Variants in SNX25 observed in about 807,000 individuals in gnomAD.
SNX25 encodes the protein sorting nexin-25.
SNX25 carries 62 observed loss-of-function variants against 113.7 expected under a neutral mutation model. That is an observed-to-expected ratio of 0.55 (90% CI 0.44 to 0.67). The LOEUF (loss-of-function observed/expected upper bound fraction) is 0.67, where lower values mean the gene tolerates loss of function less well. Among genes scored for constraint, SNX25 ranks in the 30% least tolerant of loss-of-function variants. SNX25 has a pLI of 0.00. For missense variants in SNX25, 1,014 were observed against 1,161.0 expected, an observed-to-expected ratio of 0.87 and a Z score of 1.84; for synonymous variants, 421 against 436.2, an observed-to-expected ratio of 0.97 and a Z score of 0.43.
Position 185,264,439 on chromosome 4 carries a change from C to T in SNX25, c.733C>T (p.His245Tyr), listed in dbSNP as rs149554522. 2.9e-4 allele frequency: 460 copies of T among 1,611,864 alleles called. No homozygotes were observed. Among genetic ancestry groups the T allele is most frequent in the Non-Finnish European group, 3.8e-4 (445 of 1,179,398 alleles). ...TTCTTTTTCACTCTCTTTATTTAGACATGAAGAACAGCCAAGACCTTTTGT... is the reference window on the plus strand; with the variant it reads ...TTCTTTTTCACTCTCTTTATTTAGATATGAAGAACAGCCAAGACCTTTTGT... The part of the protein sequence containing the change: ...FCDLKAANAR[H>Y]EEQPRPFVLH... Residue 245 changes from histidine (H) to tyrosine (Y), a missense_variant and splice_region_variant, in exon 4 of 19, where the codon CAT becomes TAT. By Grantham distance (83) the His-to-Tyr change is moderately conservative. Coordinates refer to ENST00000652585, the MANE Select transcript of SNX25 (RefSeq NM_001378034.2).
intron 1 of SNX25, among the ~76,000 whole-genome samples, chr4:185,218,012 G>T (rs1016955351): frequency 6.6e-6 from 1 of 152,108 alleles, no homozygotes; most frequent in African/African-American, 2.4e-5. Context: ...GCAGCCCTTC[G>T]CAGGGGCACT....
At chr4:185,259,117 A>C (rs1166695060) in intron 3 of SNX25, 53 bp downstream of exon 3, 2 of 1,494,334 alleles carry the variant, frequency 1.3e-6, no homozygotes, top group Non-Finnish European at 1.8e-6. Context: ...TTTTTAATTG[A>C]GTAAAAGGTC....
At chr4:185,367,723 T>C (rs1172047669), downstream of SNX25, among the ~76,000 whole-genome samples, 1 of 152,170 alleles carries the variant, frequency 6.6e-6, no homozygotes, top group Non-Finnish European at 1.5e-5. Context: ...CCAAACCCCA[T>C]TCTATGCAGT....
At chr4:185,250,330 A>G (rs186262117) in intron 2 of SNX25, among the ~76,000 whole-genome samples, 1 of 152,214 alleles carries the variant, frequency 6.6e-6, no homozygotes, top group Admixed American at 6.5e-5. Flanking sequence ...GTATCTGCTC[A>G]GCTCTTTGAG....
upstream of SNX25, among the ~76,000 whole-genome samples, chr4:185,208,664 A>G (rs1737313462): frequency 6.6e-6 from 1 of 151,870 alleles, no homozygotes; most frequent in African/African-American, 2.4e-5. Flanking sequence ...GGAAGCAGAG[A>G]TTGCAGTGAG....
At chr4:185,235,711 G>A (rs554115665) in intron 1 of SNX25, among the ~76,000 whole-genome samples, 280 of 152,236 alleles carry the variant, frequency 1.8e-3, no homozygotes, top group African/African-American at 5.8e-3. Flanking sequence ...GGGCAACATA[G>A]TGAGACCCCT....
downstream of SNX25, among the ~76,000 whole-genome samples, chr4:185,372,632 G>A (rs537480507): frequency 2.0e-5 from 3 of 152,302 alleles, no homozygotes; most frequent in East Asian, 3.9e-4. Flanking sequence ...AAGAGGCGAC[G>A]AGGCCATGAG....
At chr4:185,246,462 A>G (rs542085165) in intron 1 of SNX25, among the ~76,000 whole-genome samples, 2 of 152,098 alleles carry the variant, frequency 1.3e-5, no homozygotes, top group African/African-American at 4.8e-5. Context: ...TCATTGCTCT[A>G]ATTTGCATTC....
intron 6 of SNX25, among the ~76,000 whole-genome samples, chr4:185,296,415 T>G (rs1178310889): frequency 1.3e-5 from 2 of 152,148 alleles, no homozygotes; most frequent in Non-Finnish European, 2.9e-5. Context: ...AACTGCACGT[T>G]TTAGGTTCAC....
Position 185,307,588 on chromosome 4 carries a change from T to A in SNX25, c.1163-3047T>A, listed in dbSNP as rs181071381. Among the ~76,000 whole-genome samples, 417 of 152,248 alleles carry A rather than the reference T, an allele frequency of 2.7e-3. 1 individual carries two copies. Among genetic ancestry groups the A allele is most frequent in the Middle Eastern group, 0.014 (4 of 294 alleles). ...ACTTTGCTCTCTACTTGGACAAAAC[T>A]GAATCCATATAAAGGGAACTACTCT... On this transcript the variant is annotated intron_variant, in intron 6 of 18. Transcript: ENST00000652585.
chr4:185,313,699 C>T (rs1027013639), intron 7 of SNX25, among the ~76,000 whole-genome samples: 1 of 152,090 alleles, frequency 6.6e-6, no homozygotes, highest in Non-Finnish European at 1.5e-5. Context: ...GAATTATGTA[C>T]AGTTGGCCCT....
intron 5 of SNX25, among the ~76,000 whole-genome samples, chr4:185,274,239 T>G (rs1397410883): frequency 2.0e-5 from 3 of 152,060 alleles, no homozygotes; most frequent in Non-Finnish European, 4.4e-5. Flanking sequence ...TTTTGTATCT[T>G]TAGTAGAGAC....
chr4:185,315,597 C>G (rs1271125943), intron 7 of SNX25, among the ~76,000 whole-genome samples: 3 of 152,088 alleles, frequency 2.0e-5, no homozygotes, highest in African/African-American at 7.2e-5. Context: ...TCTGGCCTCA[C>G]TGGTAAATTC....
At chr4:185,285,164 A>G (rs183042322) in intron 5 of SNX25, among the ~76,000 whole-genome samples, 1 of 152,342 alleles carries the variant, frequency 6.6e-6, no homozygotes, top group Non-Finnish European at 1.5e-5. Flanking sequence ...ACACATAGAT[A>G]CATATCTGCA....
At chr4:185,371,693 G>A (rs1161067940), downstream of SNX25, among the ~76,000 whole-genome samples, 4 of 152,110 alleles carry the variant, frequency 2.6e-5, no homozygotes, top group African/African-American at 4.8e-5. Flanking sequence ...AAGGGAAAGC[G>A]CCGAAGATTT....
intron 1 of SNX25, among the ~76,000 whole-genome samples, chr4:185,221,406 C>T (rs1011088740): frequency 4.6e-5 from 7 of 152,124 alleles, no homozygotes; most frequent in African/African-American, 1.7e-4. Flanking sequence ...AACTCCTGGA[C>T]TCAAGCCATC....
downstream of SNX25, chr4:185,374,061 A>G (rs1181389075): frequency 8.1e-7 from 1 of 1,230,706 alleles, no homozygotes; most frequent in African/African-American, 1.5e-5. Flanking sequence ...ATTCCCCACC[A>G]TTTTCTCAAA....
intron 2 of SNX25, among the ~76,000 whole-genome samples, chr4:185,255,187 G>A (rs1405620918): frequency 6.6e-6 from 1 of 151,768 alleles, no homozygotes; most frequent in African/African-American, 2.4e-5. Context: ...AGGCTGGAGT[G>A]CAGTGGCACA....
In SNX25 at chr4:185,210,373, A is replaced by G; in HGVS notation, c.429+118A>G. The stretch of plus-strand genomic sequence containing the variant: ...GCCCTTGTCGAAGCGGGAAGCCGGG[A>G]GCCAGGGGGCTGGGCTGCGGGCCCG... On this transcript the variant is annotated intron_variant, in intron 1 of 18. Coordinates refer to ENST00000652585, the MANE Select transcript of SNX25 (RefSeq NM_001378034.2). This position sits in a 1 kb window ranked among gnomAD's most constrained non-coding sequence, Gnocchi z 4.4. 2 of 976,564 alleles carry G rather than the reference A, an allele frequency of 2.0e-6. No homozygotes were observed. The highest frequency in any genetic ancestry group is 1.2e-6 in the Non-Finnish European group (1 of 824,078). The allele number at this position is 976,564 out of a possible 1,614,324, so 60.5% of individuals were successfully genotyped here.
Sources: allele counts gnomAD v4.1 joint callset (sites outside exome capture counted in the v4.1 genomes callset), GRCh38; gene constraint gnomAD v4.1.1; non-coding constraint Gnocchi (gnomAD v3.1); transcripts MANE v1.5; gene names NCBI Gene and HGNC (gene_info 2026-07-23, HGNC 2026-07-21).